The following WASF3 variants were observed in gnomAD, a reference collection of about 807,000 sequenced individuals.
The protein encoded by WASF3 is actin-binding protein WASF3.
Under a neutral mutation model 46.6 loss-of-function variants are expected in WASF3, and 11 were observed. The observed-to-expected ratio is 0.24, with a 90% confidence interval of 0.15 to 0.39. WASF3 has a LOEUF of 0.39. Among genes scored for constraint, WASF3 ranks in the 10% least tolerant of loss-of-function variants. The pLI is 1.00. For missense variants in WASF3, 576 were observed against 669.8 expected (o/e 0.86, Z 1.55); for synonymous variants, 242 against 259.7 (o/e 0.93, Z 0.65).
At chr13:26,637,832 A>G (rs761929223) in intron 2 of WASF3, among the ~76,000 whole-genome samples, 3 of 152,228 alleles carry the variant, frequency 2.0e-5, no homozygotes, top group Non-Finnish European at 2.9e-5. Context: ...GTCTGTGAGC[A>G]TGTCCCAGAT....
chr13:26,662,643 C>T (rs2137459785), intron 3 of WASF3, among the ~76,000 whole-genome samples: 1 of 152,276 alleles, frequency 6.6e-6, no homozygotes, highest in East Asian at 1.9e-4. Flanking sequence ...CTGGGGACTA[C>T]TGGATGGGGA....
At chr13:26,551,597 A>G in the WASF3 span, among the ~76,000 whole-genome samples, 1 of 152,198 alleles carries the variant, frequency 6.6e-6, no homozygotes, top group African/African-American at 2.4e-5. Flanking sequence ...AGCCATGTGA[A>G]GGAGTGCAAG....
chr13:26,643,666 G>A (rs1882066009), intron 3 of WASF3, among the ~76,000 whole-genome samples: 1 of 152,192 alleles, frequency 6.6e-6, no homozygotes, highest in African/African-American at 2.4e-5. Flanking sequence ...AATGCTTTTA[G>A]TCTCTTGTTT....
chr13:26,565,361 G>C (rs941528722), intron 1 of WASF3, among the ~76,000 whole-genome samples: 3 of 152,048 alleles, frequency 2.0e-5, no homozygotes, highest in African/African-American at 7.2e-5. Flanking sequence ...AGAGGTTGTG[G>C]CTGTTGCACA....
chr13:26,637,283 G>A (rs1881856795), intron 2 of WASF3, among the ~76,000 whole-genome samples: 1 of 152,150 alleles, frequency 6.6e-6, no homozygotes, highest in South Asian at 2.1e-4. Flanking sequence ...AGTCCCAATT[G>A]AGGGACTTGC....
chr13:26,549,732 A>C, the WASF3 span, among the ~76,000 whole-genome samples: 2 of 152,212 alleles, frequency 1.3e-5, no homozygotes, highest in Non-Finnish European at 2.9e-5. Context: ...TAAATCTGTT[A>C]AGATCTTTAA....
chr13:26,563,202 A>G lies in WASF3; in HGVS notation c.-109+5383A>G, dbSNP rs150998751. The stretch of plus-strand genomic sequence containing the variant: ...CAGCACCAGTTTTGTGTCAGATCCT[A>G]TCCGCCTATCTTCATAGATGTTTTT... On this transcript the variant is annotated intron_variant, in intron 1 of 9. Coordinates refer to ENST00000335327, the MANE Select transcript of WASF3 (RefSeq NM_006646.6). 6.8e-3 allele frequency among the ~76,000 whole-genome samples: 1,027 copies of G among 151,842 alleles called. 14 individuals are homozygous for G. Among genetic ancestry groups the G allele is most frequent in the African/African-American group, 0.024 (980 of 41,386 alleles).
chr13:26,615,459 C>T (rs1391024015), intron 2 of WASF3, among the ~76,000 whole-genome samples: 1 of 152,022 alleles, frequency 6.6e-6, no homozygotes, highest in Non-Finnish European at 1.5e-5. Flanking sequence ...CAGGCATGTG[C>T]CACCATGTCC....
chr13:26,599,283 A>G (rs1201900130), intron 1 of WASF3, among the ~76,000 whole-genome samples: 2 of 148,048 alleles, frequency 1.4e-5, no homozygotes, highest in Admixed American at 6.9e-5. Flanking sequence ...CCTGAGTTCA[A>G]GCAGTTCTCC....
chr13:26,680,854 C>T (rs1883203570), intron 7 of WASF3, among the ~76,000 whole-genome samples, 200 bp from the exon 8 acceptor site: 1 of 152,202 alleles, frequency 6.6e-6, no homozygotes, highest in Admixed American at 6.5e-5. Flanking sequence ...CCATGTAACA[C>T]TGGGGCTTGC....
intron 1 of WASF3, among the ~76,000 whole-genome samples, chr13:26,586,032 C>T (rs1310104230): frequency 2.0e-5 from 3 of 152,108 alleles, no homozygotes; most frequent in Non-Finnish European, 4.4e-5. Flanking sequence ...GAGTGCTGTA[C>T]TTGGGTGTCA....
intron 3 of WASF3, among the ~76,000 whole-genome samples, chr13:26,650,046 G>A (rs916713145): frequency 6.6e-6 from 1 of 152,116 alleles, no homozygotes; most frequent in East Asian, 1.9e-4. Context: ...TCCAGCCTGG[G>A]CAACAGAGTA....
the WASF3 span, among the ~76,000 whole-genome samples, chr13:26,543,143 G>A: frequency 1.3e-5 from 2 of 152,136 alleles, no homozygotes; most frequent in African/African-American, 4.8e-5. Context: ...GTGATGTGGA[G>A]GTGGTGGGGA....
chr13:26,653,898 T>C (rs907452026), intron 3 of WASF3, among the ~76,000 whole-genome samples: 1 of 152,180 alleles, frequency 6.6e-6, no homozygotes, highest in South Asian at 2.1e-4. Flanking sequence ...ATTTCACTTA[T>C]GATTTCTTTC....
intron 2 of WASF3, among the ~76,000 whole-genome samples, chr13:26,637,368 G>A (rs1040101945): frequency 6.6e-6 from 1 of 152,134 alleles, no homozygotes; most frequent in Admixed American, 6.5e-5. Context: ...AGAATGCTGG[G>A]TTTTCTCTCT....
intron 3 of WASF3, among the ~76,000 whole-genome samples, chr13:26,655,568 C>T (rs994841430): frequency 2.8e-4 from 43 of 152,230 alleles, no homozygotes; most frequent in African/African-American, 9.4e-4. Context: ...TCTATGAACC[C>T]ACTAGTCTCA....
rs58237286 is a variant in WASF3 at position 26,633,200 on chromosome 13, C to CTTTTTTTTTTTTTTTTTTTTTT, written c.-10-9045_-10-9044insTTTTTTTTTTTTTTTTTTTTTT. ...AGTTCTGTTTTGATCTTAGTTATTT[C>CTTTTTTTTTTTTTTTTTTTTTT]TTTTTTTTTTTTTTTTCTTGAGGCA... On this transcript the variant is annotated intron_variant, in intron 2 of 9. Coordinates refer to ENST00000335327, the MANE Select transcript of WASF3 (RefSeq NM_006646.6). Among the ~76,000 whole-genome samples, 102 of 90,426 alleles carry CTTTTTTTTTTTTTTTTTTTTTT rather than the reference C, an allele frequency of 1.1e-3. 3 individuals carry two copies. Among genetic ancestry groups the CTTTTTTTTTTTTTTTTTTTTTT allele is most frequent in the Non-Finnish European group, 1.5e-3 (71 of 47,912 alleles). 59.3% of individuals were successfully genotyped at this position (90,426 alleles called of 152,430 possible).
intron 2 of WASF3, among the ~76,000 whole-genome samples, chr13:26,625,284 A>G (rs1275259880): frequency 6.6e-6 from 1 of 152,182 alleles, no homozygotes; most frequent in Non-Finnish European, 1.5e-5. Context: ...GAGGAGATTT[A>G]TTATGGAATT....
chr13:26,634,171 C>G (rs1881743628), intron 2 of WASF3, among the ~76,000 whole-genome samples: 1 of 152,206 alleles, frequency 6.6e-6, no homozygotes, highest in Non-Finnish European at 1.5e-5. Flanking sequence ...CTGGGTGCAT[C>G]TGTATTGGGT....
Sources: allele counts gnomAD v4.1 joint callset (sites outside exome capture counted in the v4.1 genomes callset), GRCh38; gene constraint gnomAD v4.1.1; transcripts MANE v1.5; gene names NCBI Gene and HGNC (gene_info 2026-07-23, HGNC 2026-07-21).